The following ASCC3 variants were observed in gnomAD, a reference collection of about 807,000 sequenced individuals.
ASCC3 encodes activating signal cointegrator 1 complex subunit 3, also known as ASC-1 complex subunit P200.
Under a neutral mutation model 256.3 loss-of-function variants are expected in ASCC3, and 158 were observed. The observed-to-expected ratio is 0.62, with a 90% CI of 0.54 to 0.70. The LOEUF is 0.70. ASCC3 is among the 30% of genes least tolerant of loss of function. ASCC3 has a pLI of 0.00. For missense variants in ASCC3, 2,259 were observed against 2,626.0 expected, an observed-to-expected ratio of 0.86 and a Z score of 3.05; for synonymous variants, 948 against 883.4, an observed-to-expected ratio of 1.07 and a Z score of -1.30.
At chr6:100,601,713 G>A (rs2114796622) in intron 34 of ASCC3, 97 bp downstream of exon 34, 3 of 1,433,626 alleles carry the variant, frequency 2.1e-6, no homozygotes, top group African/African-American at 1.4e-5. Context: ...CCAAAGTTCT[G>A]CCTTTTTTGT....
intron 4 of ASCC3, among the ~76,000 whole-genome samples, chr6:100,825,270 G>C (rs952529353): frequency 8.0e-6 from 1 of 124,280 alleles, no homozygotes; most frequent in Non-Finnish European, 1.7e-5. Flanking sequence ...AGATTCTTTT[G>C]TGATTTTTTT....
chr6:100,773,744 C>T (rs188834214), intron 8 of ASCC3, among the ~76,000 whole-genome samples: 2 of 152,120 alleles, frequency 1.3e-5, no homozygotes, highest in East Asian at 3.9e-4. Flanking sequence ...ACATAATAGG[C>T]TACTAAATAC....
At chr6:100,520,437 T>C (rs1013772569) in intron 37 of ASCC3, among the ~76,000 whole-genome samples, 17 of 151,866 alleles carry the variant, frequency 1.1e-4, no homozygotes, top group South Asian at 2.1e-4. Flanking sequence ...TCTTCTTCTT[T>C]TTTTTTTTTC....
chr6:100,844,500 C>A (rs1477473152), intron 4 of ASCC3, among the ~76,000 whole-genome samples: 1 of 151,870 alleles, frequency 6.6e-6, no homozygotes, highest in Non-Finnish European at 1.5e-5. Context: ...CTGAAACACC[C>A]GCAGCAGGAA....
In ASCC3 at chr6:100,767,197, T is replaced by C. The variant is rs1485226607; in HGVS notation, c.1544A>G (p.His515Arg). The change falls in exon 9 of 42, where the codon CAT (histidine) becomes CGT (arginine). Residue 515 changes from histidine (H) to arginine (R), a missense_variant. His to Arg is a conservative substitution (Grantham distance 29, BLOSUM62 0). Transcript: ENST00000369162. ...KTNIAMLTVLHEIRQHFQQGV... is the reference protein window; with the variant it reads ...KTNIAMLTVLREIRQHFQQGV... ...TTGTTGAAAATGTTGGCGAATTTCA[T>C]GCAAGACTGTCAGCATTGCAATGTT... 1 of 1,614,202 alleles carries C rather than the reference T, an allele frequency of 6.2e-7. No homozygotes were observed. The highest frequency in any genetic ancestry group is 8.5e-7 in the Non-Finnish European group (1 of 1,180,024).
chr6:100,865,858 A>G (rs1439708551), intron 2 of ASCC3, among the ~76,000 whole-genome samples: 1 of 152,188 alleles, frequency 6.6e-6, no homozygotes, highest in Non-Finnish European at 1.5e-5. Context: ...CATTATGGCT[A>G]AGCTTCTAAA....
intron 5 of ASCC3, among the ~76,000 whole-genome samples, chr6:100,802,400 T>A (rs554542378): frequency 6.6e-6 from 1 of 152,180 alleles, no homozygotes; most frequent in Non-Finnish European, 1.5e-5. Flanking sequence ...TTTTGCCTTC[T>A]GCCATGATTG....
chr6:100,546,770 T>C (rs1775738978), intron 36 of ASCC3, among the ~76,000 whole-genome samples: 1 of 152,086 alleles, frequency 6.6e-6, no homozygotes, highest in Admixed American at 6.5e-5. Flanking sequence ...ATGCTTTATG[T>C]CTCCACATTT....
At chr6:100,630,136 G>T (rs1025477805) in intron 26 of ASCC3, among the ~76,000 whole-genome samples, 2 of 151,902 alleles carry the variant, frequency 1.3e-5, no homozygotes, top group African/African-American at 4.8e-5. Context: ...GTGATCACCC[G>T]CCTCAGCCTC....
chr6:100,518,224 CA>C, intron 37 of ASCC3, 82 bp from the exon 38 acceptor site: 1 of 1,471,596 alleles, frequency 6.8e-7, no homozygotes, highest in African/African-American at 1.4e-5. Context: ...TTAGCTTTAA[CA>C]AAAAACAAAG....
chr6:100,773,204 C>G (rs1782024630), intron 8 of ASCC3, among the ~76,000 whole-genome samples: 1 of 152,052 alleles, frequency 6.6e-6, no homozygotes. Flanking sequence ...AAACCATACA[C>G]AGAGATGGTA....
chr6:100,600,715 C>T (rs1362861295), intron 34 of ASCC3, among the ~76,000 whole-genome samples: 4 of 152,024 alleles, frequency 2.6e-5, no homozygotes, highest in Non-Finnish European at 5.9e-5. Context: ...AACATTGACC[C>T]TCCCTCCATT....
chr6:100,572,866 G>A (rs904103318), intron 36 of ASCC3, among the ~76,000 whole-genome samples: 30 of 151,968 alleles, frequency 2.0e-4, no homozygotes, highest in African/African-American at 7.2e-4. Context: ...AATTTTAAAA[G>A]TAACTCTGGT....
chr6:100,525,590 A>C (rs1489342053), intron 37 of ASCC3, among the ~76,000 whole-genome samples: 1 of 152,128 alleles, frequency 6.6e-6, no homozygotes, highest in African/African-American at 2.4e-5. Context: ...ATTATATATC[A>C]AGAAAAAAAT....
chr6:100,679,211 T>TA (rs36067632), intron 14 of ASCC3, among the ~76,000 whole-genome samples: 7,872 of 130,470 alleles, frequency 0.06, 325 homozygotes, highest in East Asian at 0.22. Flanking sequence ...TTACATTGCT[T>TA]AAAAAAAAAA....
intron 39 of ASCC3, among the ~76,000 whole-genome samples, chr6:100,514,999 A>G (rs1773950742): frequency 6.6e-6 from 1 of 152,196 alleles, no homozygotes; most frequent in South Asian, 2.1e-4. Context: ...CCAAATAACC[A>G]TCATCATATC....
intron 4 of ASCC3, 105 bp downstream of exon 4, chr6:100,848,043 A>G: frequency 8.7e-7 from 1 of 1,149,898 alleles, no homozygotes; most frequent in Non-Finnish European, 1.2e-6. Flanking sequence ...CAACTACTAT[A>G]CAGAACATTA....
In ASCC3 at chr6:100,767,241, A is replaced by AG; in HGVS notation, c.1499dup (p.Thr501TyrfsTer16). On this transcript the variant is annotated frameshift_variant, in exon 9 of 42. Transcript: ENST00000369162. LOFTEE classifies it high-confidence loss of function. ...CAATGTTGGTTTTTCCAGCTCCTGT[A>AG]GGGGCACAAATCAGCATGTTCTCAT... 1 of 1,614,112 alleles carries AG rather than the reference A, an allele frequency of 6.2e-7. No individual in the cohort carries two copies. Among genetic ancestry groups the AG allele is most frequent in the Non-Finnish European group, 8.5e-7 (1 of 1,180,000 alleles).
At chr6:100,879,360 T>C (rs1769166497) in intron 1 of ASCC3, among the ~76,000 whole-genome samples, 1 of 152,174 alleles carries the variant, frequency 6.6e-6, no homozygotes, top group African/African-American at 2.4e-5. Context: ...TCAGCCCCTC[T>C]CTCACCTCCC....
Sources: allele counts gnomAD v4.1 joint callset (sites outside exome capture counted in the v4.1 genomes callset), GRCh38; gene constraint gnomAD v4.1.1; transcripts MANE v1.5; gene names NCBI Gene and HGNC (gene_info 2026-07-23, HGNC 2026-07-21).